PNPT1: variants seen among roughly 807,000 people sequenced by gnomAD.
PNPT1 encodes the protein polyribonucleotide nucleotidyltransferase 1, also known as polyribonucleotide nucleotidyltransferase 1, mitochondrial.
Under a neutral mutation model 119.5 loss-of-function variants are expected in PNPT1, and 53 were observed. That is an observed-to-expected ratio of 0.44 (90% CI 0.36 to 0.56). PNPT1 has a LOEUF of 0.56. PNPT1 is among the 20% of genes least tolerant of loss of function. The pLI, the probability that PNPT1 is intolerant of heterozygous loss-of-function variation, is 0.00. For synonymous variants in PNPT1, 357 were observed against 322.1 expected (o/e 1.11, Z -1.16); for missense variants, 948 against 938.5 (o/e 1.01, Z -0.13).
chr2:55,634,956 T>A lies in PNPT1; in HGVS notation c.*1281A>T, dbSNP rs1274913906. The A allele has an allele frequency of 6.6e-6, 1 of 152,222 alleles. No individual in the cohort carries two copies. The highest frequency in any genetic ancestry group is 1.9e-4 in the East Asian group (1 of 5,198). 9.4% of individuals were successfully genotyped at this position (152,222 alleles called of 1,614,324 possible). On this transcript the variant is annotated 3_prime_UTR_variant, in exon 28 of 28. Transcript: ENST00000447944. ...TACAGTAGCTATTCACAGGTATGAT[T>A]GTTGCACACTACAGTGTCGAACTTC...
chr2:55,687,569 G>A (rs779503916), intron 2 of PNPT1, 76 bp downstream of exon 2: 217 of 1,023,634 alleles, frequency 2.1e-4, no homozygotes, highest in Non-Finnish European at 2.8e-4. Context: ...GTAGTTACAC[G>A]ATGTTGTAGT....
chr2:55,671,696 T>C (rs1487146743), intron 10 of PNPT1, among the ~76,000 whole-genome samples: 1 of 152,200 alleles, frequency 6.6e-6, no homozygotes, highest in Non-Finnish European at 1.5e-5. Context: ...TAGCTGAGTG[T>C]GGTGGCGTGC....
chr2:55,681,397 A>T (rs1049717746), intron 5 of PNPT1, among the ~76,000 whole-genome samples: 2 of 152,038 alleles, frequency 1.3e-5, no homozygotes, highest in African/African-American at 2.4e-5. Flanking sequence ...CCAGAGTGAG[A>T]ATCTGTCTCT....
intron 15 of PNPT1, among the ~76,000 whole-genome samples, chr2:55,658,549 T>C (rs1430556699): frequency 6.6e-6 from 1 of 152,148 alleles, no homozygotes; most frequent in African/African-American, 2.4e-5. Flanking sequence ...ATAAAGAGAT[T>C]CACAAAAATA....
rs141543222 is a variant in PNPT1, at chr2:55,672,897, G to A, written c.862C>T (p.His288Tyr). 2.8e-4 allele frequency: 440 copies of A among 1,591,072 alleles called. 3 individuals are homozygous for A. The African/African-American group carries it at 5.5e-3, about 20-fold the overall frequency. Residue 288 changes from histidine (H) to tyrosine (Y), a missense_variant, in exon 9 of 28, where the codon CAT (histidine) becomes TAT (tyrosine). By Grantham distance (83) the His-to-Tyr change is moderately conservative. Coordinates refer to ENST00000447944, the MANE Select transcript of PNPT1 (RefSeq NM_033109.5). ...CATTTGCACAGATGTTCTTACTTAT[G>A]AGTATATTTCACAATCTCTGGCGAA... ...TPSPEIVKYT[H>Y]KLAMERLYAV...
chr2:55,686,702 A>T (rs1162396186), intron 2 of PNPT1, among the ~76,000 whole-genome samples: 2 of 152,240 alleles, frequency 1.3e-5, no homozygotes, highest in Admixed American at 6.5e-5. Flanking sequence ...TCTACTTCTT[A>T]TGTGGCTATA....
At chr2:55,669,971 C>A (rs147536512) in intron 11 of PNPT1, among the ~76,000 whole-genome samples, 5 of 151,986 alleles carry the variant, frequency 3.3e-5, no homozygotes, top group African/African-American at 9.7e-5. Context: ...ATTGGCCAGG[C>A]TGGTCTTGAA....
At chr2:55,667,521 A>G (rs1696771149) in intron 12 of PNPT1, among the ~76,000 whole-genome samples, 1 of 151,808 alleles carries the variant, frequency 6.6e-6, no homozygotes, top group East Asian at 1.9e-4. Flanking sequence ...GTGAACCCGG[A>G]AGGCGGAGCT....
At chr2:55,669,860 G>A (rs964026826) in intron 11 of PNPT1, among the ~76,000 whole-genome samples, 3 of 151,148 alleles carry the variant, frequency 2.0e-5, no homozygotes, top group Non-Finnish European at 4.4e-5. Flanking sequence ...ACAGGTTCAA[G>A]TGATTCTCAT....
chr2:55,673,914 G>A (rs144385516), intron 8 of PNPT1, among the ~76,000 whole-genome samples: 21 of 151,790 alleles, frequency 1.4e-4, no homozygotes, highest in Non-Finnish European at 2.4e-4. Context: ...GTAGGGACGG[G>A]GTTTTGCCAT....
chr2:55,652,656 T>C lies in PNPT1; in HGVS notation c.1495+2244A>G, dbSNP rs74581312. Among the ~76,000 whole-genome samples the C allele has an allele frequency of 6.8e-3, 1,032 of 152,288 alleles. 19 individuals carry two copies. The highest frequency in any genetic ancestry group is 0.024 in the African/African-American group (985 of 41,574). On this transcript the variant is annotated intron_variant, in intron 18 of 27. Transcript: ENST00000447944. ...CAGTATGAATGGTGCACCTATTATT[T>C]AGTCTAAATTTCTGCATCATTTACA...
At chr2:55,639,223 T>C (rs1478604017) in intron 26 of PNPT1, among the ~76,000 whole-genome samples, 3 of 152,226 alleles carry the variant, frequency 2.0e-5, no homozygotes, top group African/African-American at 4.8e-5. Flanking sequence ...GAGAAAGATA[T>C]ATGAGGGTTT....
intron 12 of PNPT1, 134 bp downstream of exon 12, chr2:55,667,728 T>C: frequency 8.2e-7 from 1 of 1,219,808 alleles, no homozygotes; most frequent in Non-Finnish European, 1.1e-6. Context: ...TAGGTGTCCA[T>C]TTATATAGCA....
rs754581824 is a variant in PNPT1, at chr2:55,687,632, C to A, written c.222+13G>T. 8 of 1,557,688 alleles carry A rather than the reference C, an allele frequency of 5.1e-6. No homozygotes were observed. In the African/African-American group the frequency reaches 9.8e-5, roughly 19 times the overall value. On this transcript the variant is annotated intron_variant, in intron 2 of 27. Coordinates refer to ENST00000447944, the MANE Select transcript of PNPT1 (RefSeq NM_033109.5). ...CATTTTTAAGATGAATTTTAAAAAT[C>A]TGGACTTTTTACCTGTACTACAGCA...
At chr2:55,674,396 C>T (rs1262639288) in intron 8 of PNPT1, among the ~76,000 whole-genome samples, 1 of 152,090 alleles carries the variant, frequency 6.6e-6, no homozygotes, top group Non-Finnish European at 1.5e-5. Context: ...AGTTCAAGAC[C>T]AGCCTGGGCA....
intron 22 of PNPT1, 66 bp downstream of exon 22, chr2:55,645,283 C>T (rs1374020959): frequency 2.6e-6 from 3 of 1,134,772 alleles, no homozygotes; most frequent in Non-Finnish European, 3.9e-6. Flanking sequence ...CTCGGCCTCC[C>T]AAAGTGCTGG....
At chr2:55,677,818 C>A (rs1220031640) in intron 8 of PNPT1, among the ~76,000 whole-genome samples, 1 of 151,594 alleles carries the variant, frequency 6.6e-6, no homozygotes, top group African/African-American at 2.4e-5. Context: ...CGGCTCACTG[C>A]AAGCTCTGCC....
intron 17 of PNPT1, 25 bp downstream of exon 17, chr2:55,656,106 T>G: frequency 6.3e-7 from 1 of 1,598,276 alleles, no homozygotes; most frequent in Non-Finnish European, 8.5e-7. Flanking sequence ...TTTTCTACTA[T>G]GAAAGAAGTA....
At chr2:55,647,827 T>C (rs1486444053) in intron 18 of PNPT1, among the ~76,000 whole-genome samples, 1 of 152,150 alleles carries the variant, frequency 6.6e-6, no homozygotes, top group Non-Finnish European at 1.5e-5. Context: ...CCAGCAGACA[T>C]TTACTTTTAA....
Sources: gnomAD v4.1 joint callset for allele counts (sites outside exome capture counted in the v4.1 genomes callset) on GRCh38, gnomAD v4.1.1 for gene constraint, MANE v1.5 for transcripts, NCBI Gene and HGNC (gene_info 2026-07-23, HGNC 2026-07-21) for gene names.